Variants in PIP4P2 observed in about 807,000 individuals in gnomAD.
PIP4P2 encodes the protein type 2 phosphatidylinositol 4,5-bisphosphate 4-phosphatase.
In PIP4P2, 19 loss-of-function variants were observed where a neutral mutation model predicts 33.3. The ratio of observed to expected loss-of-function variants is 0.57; its 90% CI spans 0.40 to 0.84. PIP4P2 has a LOEUF of 0.84. Ranked by LOEUF, PIP4P2 falls within the 40% of genes least tolerant of loss-of-function variation. The pLI, the probability that PIP4P2 is intolerant of heterozygous loss-of-function variation, is 0.00. For missense variants in PIP4P2, 270 were observed against 324.7 expected (o/e 0.83, Z 1.29); for synonymous variants, 110 against 111.9 (o/e 0.98, Z 0.11).
intron 5 of PIP4P2, among the ~76,000 whole-genome samples, chr8:90,998,134 A>G (rs1811653830): frequency 6.6e-6 from 1 of 152,044 alleles, no homozygotes; most frequent in Non-Finnish European, 1.5e-5. Flanking sequence ...TGCCTTATAC[A>G]TCACATCTGG....
rs2130343130 is a variant in PIP4P2, at chr8:90,994,145, A to G, written c.*1532T>C. The G allele has an allele frequency of 6.6e-6, 1 of 152,300 alleles. No individual in the cohort carries two copies. The highest frequency in any genetic ancestry group is 1.9e-4 in the East Asian group (1 of 5,194). The allele number at this position is 152,300 out of a possible 1,614,324, so 9.4% of individuals were successfully genotyped here. The stretch of plus-strand genomic sequence containing the variant: ...TTTAAAAATAAAACCATTTGAAAAT[A>G]GTACAAAAAACATAAATGAATATTA... On this transcript the variant is annotated 3_prime_UTR_variant, in exon 7 of 7. Coordinates refer to ENST00000285419, the MANE Select transcript of PIP4P2 (RefSeq NM_018710.3).
chr8:91,020,005 A>G (rs188203880), intron 3 of PIP4P2, 152 bp downstream of exon 3: 13 of 675,538 alleles, frequency 1.9e-5, no homozygotes, highest in Non-Finnish European at 2.2e-5. Context: ...AACTAAGCTT[A>G]TCATTCCTTT....
chr8:91,035,607 C>T (rs1422222190), intron 1 of PIP4P2, among the ~76,000 whole-genome samples: 2 of 152,190 alleles, frequency 1.3e-5, no homozygotes, highest in Non-Finnish European at 2.9e-5. Flanking sequence ...TTTTTCAAAG[C>T]TTTGTCCAGG....
At chr8:91,033,721 ACCT>A (rs1812200241) in intron 1 of PIP4P2, among the ~76,000 whole-genome samples, 2 of 151,524 alleles carry the variant, frequency 1.3e-5, no homozygotes, top group African/African-American at 4.9e-5. Context: ...CACCTCCTCT[ACCT>A]CTTCTGCTGT....
In PIP4P2 at chr8:90,997,532, C is replaced by G. The variant is rs1390234876; in HGVS notation, c.540-788G>C. ...GCTAAAAGCCCTCTACTGTGCTACTCAATTGAAATTCCAAATCTAATAGTA... is the reference window on the plus strand; with the variant it reads ...GCTAAAAGCCCTCTACTGTGCTACTGAATTGAAATTCCAAATCTAATAGTA... On this transcript the variant is annotated intron_variant, in intron 5 of 6. Coordinates refer to ENST00000285419, the MANE Select transcript of PIP4P2 (RefSeq NM_018710.3). Among the ~76,000 whole-genome samples, 4 of 152,180 alleles carry G rather than the reference C, an allele frequency of 2.6e-5. No individual in the cohort carries two copies. The East Asian group carries it at 7.7e-4, about 29-fold the overall frequency.
chr8:91,016,744 A>G (rs992308028), intron 4 of PIP4P2: 3 of 152,236 alleles, frequency 2.0e-5, no homozygotes, highest in Non-Finnish European at 4.4e-5. Flanking sequence ...AAGAGGTAAA[A>G]GGAATTTTCA....
chr8:91,014,447 A>C (rs1329833566), intron 4 of PIP4P2, among the ~76,000 whole-genome samples: 1 of 152,192 alleles, frequency 6.6e-6, no homozygotes, highest in Non-Finnish European at 1.5e-5. Context: ...TTGTAACAAC[A>C]TGTATTAACC....
chr8:91,020,152 C>A lies in PIP4P2; in HGVS notation c.362+5G>T, dbSNP rs184617821. ...TGAATCAATGAATTAATCTTTATCT[C>A]TTACCAGTTGGGTCTTGGGCATCCT... is the stretch of plus-strand genomic sequence containing the variant. On this transcript the variant is annotated splice_donor_5th_base_variant and intron_variant, in intron 3 of 6. Transcript: ENST00000285419. 2.4e-4 allele frequency: 388 copies of A among 1,612,420 alleles called. No homozygotes were observed. The highest frequency in any genetic ancestry group is 3.1e-4 in the Non-Finnish European group (369 of 1,178,778).
chr8:91,038,847 C>T (rs145722305), intron 1 of PIP4P2, among the ~76,000 whole-genome samples: 2,078 of 152,204 alleles, frequency 0.014, 19 homozygotes, highest in Middle Eastern at 0.044. Context: ...ATGTATTCTA[C>T]CATAAGGCAG....
Position 91,021,251 on chromosome 8 carries a change from C to A in PIP4P2, c.255+5G>T. 6.2e-7 allele frequency: 1 copy of A among 1,612,764 alleles called. No individual in the cohort carries two copies. Among genetic ancestry groups the A allele is most frequent in the East Asian group, 2.2e-5 (1 of 44,872 alleles). On this transcript the variant is annotated splice_donor_5th_base_variant and intron_variant, in intron 2 of 6. Transcript: ENST00000285419. ...ATATTTTTTCTAATGGAAATCTCCA[C>A]TTACCGTAGCTTCATTGCAAACTGT...
intron 1 of PIP4P2, among the ~76,000 whole-genome samples, chr8:91,024,835 T>TA (rs570260416): frequency 8.4e-4 from 127 of 151,078 alleles, no homozygotes; most frequent in African/African-American, 2.0e-3. Context: ...TCCTTAATCC[T>TA]AAAAAAAAAC....
intron 1 of PIP4P2, among the ~76,000 whole-genome samples, chr8:91,029,003 G>A (rs1812120875): frequency 6.6e-6 from 1 of 152,114 alleles, no homozygotes; most frequent in Non-Finnish European, 1.5e-5. Flanking sequence ...TTAAAATACA[G>A]AAATTATGGC....
chr8:90,996,690 A>C lies in PIP4P2; in HGVS notation c.594T>G (p.Ile198Met). ...PRRRCCAYITIGMICIFIGVG... is the reference protein window; with the variant it reads ...PRRRCCAYITMGMICIFIGVG... ...CTCCAATGAAAATACATATCATTCCAATGGTAATATATGCACAGCAGCGTC... is the reference window on the plus strand; with the variant it reads ...CTCCAATGAAAATACATATCATTCCCATGGTAATATATGCACAGCAGCGTC... Residue 198 changes from isoleucine to methionine, a missense_variant, in exon 6 of 7, where the codon ATT (isoleucine) becomes ATG (methionine). Coordinates refer to ENST00000285419, the MANE Select transcript of PIP4P2 (RefSeq NM_018710.3). The C allele has an allele frequency of 6.2e-7, 1 of 1,610,536 alleles. No individual in the cohort carries two copies. The highest frequency in any genetic ancestry group is 8.5e-7 in the Non-Finnish European group (1 of 1,178,224).
rs1811614821 is a variant in PIP4P2, at chr8:90,995,454, C to T, written c.*223G>A. ...AATATCTATAAGAGATGTAAAAGAA[C>T]ATGAAAAGGCTTTATTATTCAAATT... On this transcript the variant is annotated 3_prime_UTR_variant, in exon 7 of 7. Transcript: ENST00000285419. 2.8e-6 allele frequency: 1 copy of T among 351,900 alleles called. No individual in the cohort carries two copies. Among genetic ancestry groups the T allele is most frequent in the Non-Finnish European group, 4.9e-6 (1 of 204,262 alleles). The allele number at this position is 351,900 out of a possible 1,614,324, so 21.8% of individuals were successfully genotyped here. A position where few individuals can be genotyped will look rare whatever the true frequency, so the allele number is the denominator to read the frequency against.
At chr8:91,026,113 G>A (rs1305325171) in intron 1 of PIP4P2, among the ~76,000 whole-genome samples, 1 of 152,116 alleles carries the variant, frequency 6.6e-6, no homozygotes, top group East Asian at 1.9e-4. Flanking sequence ...ACCACATTTT[G>A]GTTTTGTCAG....
chr8:91,032,962 T>G (rs937820072), intron 1 of PIP4P2, among the ~76,000 whole-genome samples: 5 of 152,148 alleles, frequency 3.3e-5, no homozygotes, highest in Non-Finnish European at 7.3e-5. Flanking sequence ...TTCTCCAATA[T>G]CTATATCCAT....
chr8:90,996,641 G>C lies in PIP4P2; in HGVS notation c.630+13C>G. On this transcript the variant is annotated intron_variant, in intron 6 of 6. Coordinates refer to ENST00000285419, the MANE Select transcript of PIP4P2 (RefSeq NM_018710.3). ...GAGAGGACAGAATTCTAACATCAAAGTGTAACACTCACAGTTAACCCAACT... is the reference window on the plus strand; with the variant it reads ...GAGAGGACAGAATTCTAACATCAAACTGTAACACTCACAGTTAACCCAACT... 6.3e-7 allele frequency: 1 copy of C among 1,597,430 alleles called. No individual in the cohort carries two copies. The highest frequency in any genetic ancestry group is 8.5e-7 in the Non-Finnish European group (1 of 1,169,726).
intron 4 of PIP4P2, among the ~76,000 whole-genome samples, chr8:91,014,509 G>A (rs1177816806): frequency 1.3e-5 from 2 of 152,068 alleles, no homozygotes; most frequent in Non-Finnish European, 2.9e-5. Context: ...GACAAACACT[G>A]CACGATCACG....
At chr8:91,019,564 C>CA (rs200004748) in intron 3 of PIP4P2, among the ~76,000 whole-genome samples, 1,157 of 113,646 alleles carry the variant, frequency 0.01, 10 homozygotes, top group Middle Eastern at 0.027. Flanking sequence ...GACTCTGTCT[C>CA]AAAAAAAAAA....
Sources: allele counts gnomAD v4.1 joint callset (sites outside exome capture counted in the v4.1 genomes callset), GRCh38; gene constraint gnomAD v4.1.1; transcripts MANE v1.5; gene names NCBI Gene and HGNC (gene_info 2026-07-23, HGNC 2026-07-21).